Variants in MICU1 observed in about 807,000 individuals in gnomAD.
The protein encoded by MICU1 is calcium uptake protein 1, mitochondrial.
Under a neutral mutation model 56.8 loss-of-function variants are expected in MICU1, and 45 were observed. The observed-to-expected ratio is 0.79, with a 90% CI of 0.62 to 1.02. The LOEUF (loss-of-function observed/expected upper bound fraction) is 1.02. Ranked by LOEUF, MICU1 falls within the 50% of genes least tolerant of loss-of-function variation. The pLI is 0.00. For missense variants in MICU1, 504 were observed against 587.1 expected (o/e 0.86, Z 1.46); for synonymous variants, 186 against 195.1 (o/e 0.95, Z 0.39).
At chr10:72,372,420 C>T (rs1862375781) in intron 11 of MICU1, among the ~76,000 whole-genome samples, 1 of 152,042 alleles carries the variant, frequency 6.6e-6, no homozygotes, top group Admixed American at 6.6e-5. Flanking sequence ...CTACTTGAGT[C>T]AGGAGTTTGA....
At chr10:72,541,014 G>A (rs1839760281) in intron 4 of MICU1, among the ~76,000 whole-genome samples, 1 of 152,232 alleles carries the variant, frequency 6.6e-6, no homozygotes, top group Admixed American at 6.5e-5. Flanking sequence ...ACAGAGCTCA[G>A]CTGAGAGCAG....
chr10:72,461,671 C>T (rs568638411), intron 8 of MICU1, among the ~76,000 whole-genome samples: 4 of 152,194 alleles, frequency 2.6e-5, no homozygotes, highest in African/African-American at 4.8e-5. Flanking sequence ...GACTCTGAGC[C>T]GGGCACAGTG....
chr10:72,543,650 T>C (rs1281388805), intron 4 of MICU1, among the ~76,000 whole-genome samples: 1 of 152,128 alleles, frequency 6.6e-6, no homozygotes, highest in Non-Finnish European at 1.5e-5. Flanking sequence ...GGTCAGGAGA[T>C]CGAGACCATC....
chr10:72,585,940 T>C (rs1199807908), intron 1 of MICU1, among the ~76,000 whole-genome samples: 1 of 151,690 alleles, frequency 6.6e-6, no homozygotes, highest in Non-Finnish European at 1.5e-5. Flanking sequence ...ACTACGTAAA[T>C]AGTTATTATA....
chr10:72,461,318 A>G (rs529409522), intron 8 of MICU1, among the ~76,000 whole-genome samples: 1 of 152,290 alleles, frequency 6.6e-6, no homozygotes, highest in African/African-American at 2.4e-5. Flanking sequence ...TGGGTATTCC[A>G]CAACTGTAAC....
chr10:72,448,257 C>T (rs1031660838), intron 8 of MICU1, among the ~76,000 whole-genome samples: 2 of 134,784 alleles, frequency 1.5e-5, no homozygotes, highest in African/African-American at 2.7e-5. Context: ...TCACTGCAAC[C>T]TCCGCCTCCT....
intron 1 of MICU1, among the ~76,000 whole-genome samples, chr10:72,608,063 C>G (rs1424285751): frequency 6.6e-6 from 1 of 151,976 alleles, no homozygotes; most frequent in Non-Finnish European, 1.5e-5. Context: ...TTATACTGTT[C>G]TAATCAAATA....
intron 11 of MICU1, among the ~76,000 whole-genome samples, chr10:72,371,327 C>T (rs904152332): frequency 2.8e-5 from 4 of 141,378 alleles, no homozygotes; most frequent in African/African-American, 1.1e-4. Flanking sequence ...GTGGAGCTTG[C>T]AGTGAGCCGA....
chr10:72,411,062 C>T (rs1008723034), intron 9 of MICU1, among the ~76,000 whole-genome samples: 6 of 152,294 alleles, frequency 3.9e-5, no homozygotes, highest in African/African-American at 1.4e-4. Flanking sequence ...ACACAAGCTA[C>T]AGGATGATGG....
At chr10:72,581,376 T>TGGCTCACA (rs1840893647) in intron 1 of MICU1, among the ~76,000 whole-genome samples, 1 of 152,182 alleles carries the variant, frequency 6.6e-6, no homozygotes, top group Admixed American at 6.5e-5. Flanking sequence ...ACACCTGTAA[T>TGGCTCACA]CCCAGCACTT....
chr10:72,452,321 A>G (rs902937176), intron 8 of MICU1, among the ~76,000 whole-genome samples: 7 of 152,244 alleles, frequency 4.6e-5, no homozygotes, highest in Admixed American at 4.6e-4. Flanking sequence ...GAAGACTGCC[A>G]CATAAACATG....
intron 1 of MICU1, among the ~76,000 whole-genome samples, chr10:72,574,690 G>A (rs1329683266): frequency 3.9e-5 from 6 of 151,936 alleles, no homozygotes; most frequent in East Asian, 1.9e-4. Context: ...GAATTTATTC[G>A]GGAATGAGAA....
At chr10:72,422,455 C>T (rs1864206355) in intron 9 of MICU1, among the ~76,000 whole-genome samples, 1 of 152,222 alleles carries the variant, frequency 6.6e-6, no homozygotes, top group African/African-American at 2.4e-5. Flanking sequence ...TATGTGATTT[C>T]CCACTTTCCA....
chr10:72,439,080 T>C (rs1295163324), intron 8 of MICU1, among the ~76,000 whole-genome samples: 2 of 152,184 alleles, frequency 1.3e-5, no homozygotes, highest in Non-Finnish European at 2.9e-5. Context: ...TATGAAAGCC[T>C]GGCAGAGACA....
At chr10:72,535,653 T>A (rs1331059646) in intron 4 of MICU1, among the ~76,000 whole-genome samples, 2 of 152,010 alleles carry the variant, frequency 1.3e-5, no homozygotes, top group Non-Finnish European at 2.9e-5. Flanking sequence ...ATACCAAGGA[T>A]AAAAAAATCC....
At chr10:72,497,502 G>A (rs1156817462) in intron 6 of MICU1, among the ~76,000 whole-genome samples, 3 of 152,172 alleles carry the variant, frequency 2.0e-5, no homozygotes, top group South Asian at 2.1e-4. Context: ...TTCCGGTCTC[G>A]CTTCTAAGAG....
At chr10:72,509,461 A>C in intron 5 of MICU1, 1 of 1,263,394 alleles carries the variant, frequency 7.9e-7, no homozygotes, top group Non-Finnish European at 1.0e-6. Flanking sequence ...CCAACTGAAA[A>C]TACAAGTACC....
At chr10:72,401,522 C>T (rs1863454731) in intron 10 of MICU1, among the ~76,000 whole-genome samples, 1 of 152,210 alleles carries the variant, frequency 6.6e-6, no homozygotes, top group Non-Finnish European at 1.5e-5. Flanking sequence ...GGTGTGGTGG[C>T]ACGCACCTAT....
Position 72,368,299 on chromosome 10 carries a change from T to G in MICU1, c.1327A>C (p.Arg443=), listed in dbSNP as rs774165363. The G allele has an allele frequency of 6.2e-7, 1 of 1,614,026 alleles. No individual in the cohort carries two copies. The highest frequency in any genetic ancestry group is 8.5e-7 in the Non-Finnish European group (1 of 1,179,884). The part of the protein sequence containing the change: ...FVSIMKQRLM[R]GLEKPKDMGF... ...ATGTCTTTGGGCTTTTCCAGGCCTC[T>G]CATCAGCCGTTGCTTCATGATGGAA... is the stretch of plus-strand genomic sequence containing the variant. Residue 443 remains arginine (R), a synonymous_variant, in exon 12 of 12, where the codon AGA becomes CGA. Coordinates refer to ENST00000361114, the MANE Select transcript of MICU1 (RefSeq NM_001195518.2).
Sources: allele counts gnomAD v4.1 joint callset (sites outside exome capture counted in the v4.1 genomes callset), GRCh38; gene constraint gnomAD v4.1.1; transcripts MANE v1.5; gene names NCBI Gene and HGNC (gene_info 2026-07-23, HGNC 2026-07-21).